The following PCDH15 variants were observed in gnomAD, a reference collection of about 807,000 sequenced individuals.
The protein encoded by PCDH15 is protocadherin-15.
In PCDH15, 129 loss-of-function variants were observed where a neutral mutation model predicts 178.5. The ratio of observed to expected loss-of-function variants is 0.72; its 90% confidence interval spans 0.63 to 0.84. The LOEUF (loss-of-function observed/expected upper bound fraction) is 0.84, where lower values mean the gene tolerates loss of function less well. PCDH15 is among the 40% of genes least tolerant of loss of function. PCDH15 has a pLI of 0.00. For missense variants in PCDH15, 2,230 were observed against 2,099.9 expected (o/e 1.06, Z -1.21); for synonymous variants, 800 against 732.0 (o/e 1.09, Z -1.50).
At chr10:54,861,003 G>T (rs988596218) in intron 3 of PCDH15, among the ~76,000 whole-genome samples, 1 of 152,012 alleles carries the variant, frequency 6.6e-6, no homozygotes, top group Non-Finnish European at 1.5e-5. Flanking sequence ...ATTTAATTTA[G>T]TATTAACCAA....
chr10:55,338,522 C>G (rs1397576058), intron 2 of PCDH15, among the ~76,000 whole-genome samples: 1 of 152,146 alleles, frequency 6.6e-6, no homozygotes. Context: ...TATCCCAGCA[C>G]TCGGGGAGAC....
intron 6 of PCDH15, among the ~76,000 whole-genome samples, chr10:54,341,539 C>A (rs1182052737): frequency 6.6e-6 from 1 of 152,064 alleles, no homozygotes; most frequent in Non-Finnish European, 1.5e-5. Context: ...AGTGTGATAA[C>A]AAACTAATAC....
At chr10:55,097,519 T>C (rs1438982067) in intron 2 of PCDH15, among the ~76,000 whole-genome samples, 4 of 152,252 alleles carry the variant, frequency 2.6e-5, no homozygotes, top group Middle Eastern at 3.4e-3. Context: ...GGGTTTTGTA[T>C]TGACAAAATA....
At chr10:54,786,328 A>G (rs1369404424) in intron 1 of PCDH15, among the ~76,000 whole-genome samples, 2 of 152,042 alleles carry the variant, frequency 1.3e-5, no homozygotes, top group Non-Finnish European at 2.9e-5. Context: ...TGATTCTACT[A>G]CTTCACTCTA....
intron 2 of PCDH15, among the ~76,000 whole-genome samples, chr10:55,578,463 C>T (rs1275109954): frequency 6.6e-6 from 1 of 152,122 alleles, no homozygotes; most frequent in Non-Finnish European, 1.5e-5. Context: ...TCACGATGCG[C>T]CCGCCTCCGC....
chr10:55,484,096 A>G (rs529577862), intron 2 of PCDH15, among the ~76,000 whole-genome samples: 70 of 151,864 alleles, frequency 4.6e-4, no homozygotes, highest in Admixed American at 2.2e-3. Context: ...ATGATGAGAC[A>G]CATGGACACT....
rs1841043520 is a variant in PCDH15 at position 53,804,633 on chromosome 10, A to AT, written c.*1945dup. 1 of 152,064 alleles carries AT rather than the reference A, an allele frequency of 6.6e-6. No individual in the cohort carries two copies. Among genetic ancestry groups the AT allele is most frequent in the African/African-American group, 2.4e-5 (1 of 41,444 alleles). The allele number at this position is 152,064 out of a possible 1,614,324, so 9.4% of individuals were successfully genotyped here. A position where few individuals can be genotyped will look rare whatever the true frequency, so the allele number is the denominator to read the frequency against. On this transcript the variant is annotated 3_prime_UTR_variant, in exon 38 of 38. Transcript: ENST00000644397. ...CTGTATATAGAGAGAATATCAAGGG[A>AT]TGCTGACTGAGATGATCTGGGGGTA...
intron 2 of PCDH15, among the ~76,000 whole-genome samples, chr10:54,563,557 A>C (rs1390271174): frequency 2.0e-5 from 3 of 152,192 alleles, no homozygotes; most frequent in East Asian, 1.9e-4. Flanking sequence ...AGAGTAACAT[A>C]TTAACTGAAG....
intron 23 of PCDH15, among the ~76,000 whole-genome samples, chr10:53,944,660 T>C (rs956612810): frequency 4.6e-5 from 7 of 152,194 alleles, no homozygotes; most frequent in African/African-American, 1.7e-4. Flanking sequence ...AACTGCACTC[T>C]TAAAAGAAAC....
chr10:55,271,963 G>A (rs1235611376), intron 1 of PCDH15, among the ~76,000 whole-genome samples: 1 of 152,028 alleles, frequency 6.6e-6, no homozygotes, highest in Non-Finnish European at 1.5e-5. Context: ...GTGACATATG[G>A]TATTTATCTA....
intron 3 of PCDH15, among the ~76,000 whole-genome samples, chr10:54,879,586 G>A (rs1158369501): frequency 6.6e-6 from 1 of 151,484 alleles, no homozygotes; most frequent in Non-Finnish European, 1.5e-5. Flanking sequence ...TAGAGAAGCA[G>A]GCATTCTTAA....
chr10:54,704,075 C>A (rs148523633), intron 1 of PCDH15, among the ~76,000 whole-genome samples: 1 of 152,204 alleles, frequency 6.6e-6, no homozygotes, highest in Non-Finnish European at 1.5e-5. Context: ...AAATTGGACT[C>A]ATTCTATTCA....
intron 21 of PCDH15, among the ~76,000 whole-genome samples, chr10:53,979,987 G>T (rs2090490899): frequency 6.6e-6 from 1 of 152,178 alleles, no homozygotes; most frequent in African/African-American, 2.4e-5. Flanking sequence ...GGGAGGCCGA[G>T]GTGTGTGGAT....
Position 55,622,848 on chromosome 10 carries a change from G to A in PCDH15, c.-156+4777C>T, listed in dbSNP as rs905136119. On this transcript the variant is annotated intron_variant, in intron 2 of 5. Coordinates refer to the PCDH15 transcript ENST00000613346. ...TCCTAAATAAAATACGGGCTGGACC[G>A]AGGCATTATGATTTCTCCTGCCTCT... is the stretch of plus-strand genomic sequence containing the variant. Among the ~76,000 whole-genome samples the A allele has an allele frequency of 2.0e-5, 3 of 152,064 alleles. No individual in the cohort carries two copies. In the South Asian group the frequency reaches 6.2e-4, roughly 32 times the overall value.
chr10:55,191,616 G>T (rs1159125787), intron 1 of PCDH15, among the ~76,000 whole-genome samples: 1 of 151,812 alleles, frequency 6.6e-6, no homozygotes, highest in Non-Finnish European at 1.5e-5. Flanking sequence ...TACATTACAA[G>T]ATGTTTGCAA....
At chr10:54,452,851 C>A (rs1020062139) in intron 3 of PCDH15, among the ~76,000 whole-genome samples, 1 of 152,002 alleles carries the variant, frequency 6.6e-6, no homozygotes, top group Non-Finnish European at 1.5e-5. Context: ...ATGACTACAC[C>A]GCATGTACAC....
intron 8 of PCDH15, among the ~76,000 whole-genome samples, chr10:54,273,056 G>A (rs887318551): frequency 1.3e-5 from 2 of 152,022 alleles, no homozygotes; most frequent in African/African-American, 4.8e-5. Flanking sequence ...ATATTTAGAG[G>A]TTAAGGAAAC....
intron 2 of PCDH15, among the ~76,000 whole-genome samples, chr10:55,439,573 A>C (rs1262233060): frequency 6.8e-6 from 1 of 147,444 alleles, no homozygotes; most frequent in South Asian, 2.2e-4. Flanking sequence ...AGGTTGGTGC[A>C]AAAGTTATTG....
chr10:54,505,085 A>G (rs537609779), intron 3 of PCDH15, among the ~76,000 whole-genome samples: 1 of 152,054 alleles, frequency 6.6e-6, no homozygotes, highest in African/African-American at 2.4e-5. Flanking sequence ...CTAAATCTCC[A>G]CTTCTGCTTA....
Sources: allele counts gnomAD v4.1 joint callset (sites outside exome capture counted in the v4.1 genomes callset), GRCh38; gene constraint gnomAD v4.1.1; transcripts MANE v1.5; gene names NCBI Gene and HGNC (gene_info 2026-07-23, HGNC 2026-07-21).